GALNT3: variants seen among roughly 807,000 people sequenced by gnomAD.
GALNT3 encodes polypeptide N-acetylgalactosaminyltransferase 3.
A neutral mutation model predicts 69.8 loss-of-function variants in GALNT3; 51 were observed. That is an observed-to-expected ratio of 0.73 (90% CI 0.58 to 0.92). GALNT3 has a LOEUF of 0.92. Ranked by LOEUF, GALNT3 falls within the 40% of genes least tolerant of loss-of-function variation. The pLI, the probability that GALNT3 is intolerant of heterozygous loss-of-function variation, is 0.00. For missense variants in GALNT3, 711 were observed against 760.0 expected, an observed-to-expected ratio of 0.94 and a Z score of 0.76; for synonymous variants, 265 against 248.5, an observed-to-expected ratio of 1.07 and a Z score of -0.63.
chr2:165,781,377 T>C (rs1683106967), intron 1 of GALNT3, among the ~76,000 whole-genome samples: 1 of 152,054 alleles, frequency 6.6e-6, no homozygotes, highest in African/African-American at 2.4e-5. Context: ...GGCGAATTGC[T>C]TGAGCCCAGG....
chr2:165,783,041 C>T (rs1683145392), intron 1 of GALNT3, among the ~76,000 whole-genome samples: 1 of 152,104 alleles, frequency 6.6e-6, no homozygotes, highest in African/African-American at 2.4e-5. Flanking sequence ...CCTCTATGGC[C>T]CAGCTTTTCA....
At chr2:165,787,874 A>G (rs551000355) in intron 1 of GALNT3, among the ~76,000 whole-genome samples, 188 of 152,330 alleles carry the variant, frequency 1.2e-3, no homozygotes, top group African/African-American at 4.3e-3. Context: ...TCACTTTTAA[A>G]TGATAAAACC....
intron 3 of GALNT3, among the ~76,000 whole-genome samples, chr2:165,764,080 C>T (rs1222280655): frequency 6.6e-6 from 1 of 152,074 alleles, no homozygotes; most frequent in Non-Finnish European, 1.5e-5. Context: ...ATTTAAAATA[C>T]TTATGATGTT....
chr2:165,763,374 T>G (rs1395307566), intron 3 of GALNT3, among the ~76,000 whole-genome samples: 1 of 152,196 alleles, frequency 6.6e-6, no homozygotes, highest in African/African-American at 2.4e-5. Flanking sequence ...GCTGCTTATT[T>G]AAAGCTTAAA....
chr2:165,750,298 A>C (rs1474566025), intron 9 of GALNT3, among the ~76,000 whole-genome samples: 1 of 152,174 alleles, frequency 6.6e-6, no homozygotes, highest in Non-Finnish European at 1.5e-5. Flanking sequence ...CAGGGTGTTC[A>C]CCATGCCTCA....
chr2:165,758,581 T>C (rs1447563494), intron 6 of GALNT3, 166 bp downstream of exon 6: 1 of 560,136 alleles, frequency 1.8e-6, no homozygotes, highest in Admixed American at 3.3e-5. Context: ...ATATATTAAG[T>C]TACATATTAA....
At position 165,749,822 on chromosome 2, in the gene GALNT3, C is replaced by T. The variant is rs376449936; in HGVS notation, c.1699G>A (p.Gly567Ser). Residue 567 changes from glycine to serine, a missense_variant, in exon 10 of 11, where the codon GGT becomes AGT. Physicochemically the swap from Gly to Ser is moderately conservative, Grantham distance 56. Transcript: ENST00000392701. ...GTACATGCCTTCAGCTGAACGAGAC[C>T]TTGAGCAGCATGAAGACATAATTCC... ...QKELCLHAAQGLVQLKACTYK... is the reference protein window; with the variant it reads ...QKELCLHAAQSLVQLKACTYK... The T allele has an allele frequency of 1.2e-6, 2 of 1,613,506 alleles. No individual in the cohort carries two copies. The highest frequency in any genetic ancestry group is 1.3e-5 in the African/African-American group (1 of 74,900).
intron 7 of GALNT3, among the ~76,000 whole-genome samples, chr2:165,756,316 A>C (rs959933790): frequency 7.2e-5 from 11 of 152,092 alleles, no homozygotes; most frequent in Admixed American, 2.0e-4. Context: ...ACCTTATCTA[A>C]TATTATTAAG....
intron 2 of GALNT3, among the ~76,000 whole-genome samples, chr2:165,768,398 C>T (rs1210046337): frequency 2.0e-5 from 3 of 152,184 alleles, no homozygotes; most frequent in Non-Finnish European, 4.4e-5. Context: ...ATGTAGATTA[C>T]TTTTCAATCA....
chr2:165,770,048 T>A, intron 2 of GALNT3, 138 bp downstream of exon 2: 2 of 962,962 alleles, frequency 2.1e-6, no homozygotes, highest in South Asian at 2.8e-5. Context: ...AAAAAATAAA[T>A]ACAACAGGTT....
chr2:165,757,153 G>A lies in GALNT3; in HGVS notation c.1286C>T (p.Thr429Ile). Residue 429 changes from threonine (T) to isoleucine (I), a missense_variant, in exon 7 of 11, where the codon ACT becomes ATT. By Grantham distance (89) the Thr-to-Ile change is moderately conservative. Coordinates refer to ENST00000392701, the MANE Select transcript of GALNT3 (RefSeq NM_004482.4). The part of the protein sequence containing the change: ...SKSPHSFPKG[T>I]QVIARNQVRL... Reference sequence around the variant, plus strand: ...AACTTGGTTTCTAGCAATCACCTGAGTGCCTTTTGGAAAGCTATGAGGGCT... The same window carrying A: ...AACTTGGTTTCTAGCAATCACCTGAATGCCTTTTGGAAAGCTATGAGGGCT... 7 of 1,614,094 alleles carry A rather than the reference G, an allele frequency of 4.3e-6. No homozygotes were observed. Among genetic ancestry groups the A allele is most frequent in the Non-Finnish European group, 5.9e-6 (7 of 1,179,970 alleles).
At position 165,770,171 on chromosome 2, in the gene GALNT3, T is replaced by C. The variant is rs370469745; in HGVS notation, c.515+15A>G. ...CTGGTGATAAAGAATAAACAATAAA[T>C]ATTCTTCAACATACTCAGGAGGTCG... is the stretch of plus-strand genomic sequence containing the variant. On this transcript the variant is annotated intron_variant, in intron 2 of 10. Transcript: ENST00000392701. 6.2e-7 allele frequency: 1 copy of C among 1,613,814 alleles called. No individual in the cohort carries two copies. The highest frequency in any genetic ancestry group is 1.3e-5 in the African/African-American group (1 of 74,880).
chr2:165,765,198 T>C (rs1398492211), intron 2 of GALNT3, 142 bp from the exon 3 acceptor site: 2 of 767,136 alleles, frequency 2.6e-6, no homozygotes, highest in East Asian at 2.7e-5. Flanking sequence ...ATCTCAATGC[T>C]ATATAAAATG....
chr2:165,770,620 A>C lies in GALNT3; in HGVS notation c.81T>G (p.Ile27Met). 1 of 1,601,952 alleles carries C rather than the reference A, an allele frequency of 6.2e-7. No homozygotes were observed. The highest frequency in any genetic ancestry group is 8.5e-7 in the Non-Finnish European group (1 of 1,175,632). Residue 27 changes from isoleucine (I) to methionine (M), a missense_variant, in exon 2 of 11, where the codon ATT (isoleucine) becomes ATG (methionine). Physicochemically the swap from Ile to Met is conservative, Grantham distance 10. Coordinates refer to ENST00000392701, the MANE Select transcript of GALNT3 (RefSeq NM_004482.4). ...AAACCAAAACTATTATAAAGAAAAA[A>C]ATTACTGCACCAAGCTTCCAGAACT... ...HKKFWKLGAV[I>M]FFFIIVLVLM...
Position 165,765,072 on chromosome 2 carries a change from G to T in GALNT3, c.516-16C>A. 1.9e-6 allele frequency: 3 copies of T among 1,609,282 alleles called. No homozygotes were observed. Among genetic ancestry groups the T allele is most frequent in the Non-Finnish European group, 2.6e-6 (3 of 1,175,726 alleles). On this transcript the variant is annotated splice_polypyrimidine_tract_variant and intron_variant, in intron 2 of 10. Coordinates refer to ENST00000392701, the MANE Select transcript of GALNT3 (RefSeq NM_004482.4). ...TTCAATACATCTAGAAGAAGTCAGA[G>T]AAGTAGAAAAACAATTACAAATTTT...
intron 1 of GALNT3, among the ~76,000 whole-genome samples, chr2:165,789,780 C>G (rs747888567): frequency 6.6e-6 from 1 of 151,958 alleles, no homozygotes; most frequent in Non-Finnish European, 1.5e-5. Flanking sequence ...AAAAGTGTAC[C>G]CCAGCAGGGC....
chr2:165,748,834 A>T lies in GALNT3; in HGVS notation c.1849T>A (p.Ser617Thr), dbSNP rs1390053573. The T allele has an allele frequency of 6.2e-7, 1 of 1,611,740 alleles. No individual in the cohort carries two copies. Among genetic ancestry groups the T allele is most frequent in the African/African-American group, 1.3e-5 (1 of 74,816 alleles). Reference sequence around the variant, plus strand: ...TGGAGTGGATCTGATGGGTTGCATGACACTAAACTTGGATGCTCTCCATTT... The same window carrying T: ...TGGAGTGGATCTGATGGGTTGCATGTCACTAAACTTGGATGCTCTCCATTT... ...SANGEHPSLV[S>T]CNPSDPLQKW... Residue 617 changes from serine (S) to threonine (T), a missense_variant, in exon 11 of 11, where the codon TCA becomes ACA. Transcript: ENST00000392701.
At chr2:165,762,140 G>T in intron 3 of GALNT3, 86 bp from the exon 4 acceptor site, 1 of 994,114 alleles carries the variant, frequency 1.0e-6, no homozygotes, top group Non-Finnish European at 1.5e-6. Context: ...ACAGAGCAAT[G>T]ATCCTTCCAA....
intron 7 of GALNT3, among the ~76,000 whole-genome samples, chr2:165,755,865 T>G (rs1240528417): frequency 1.3e-5 from 2 of 152,178 alleles, no homozygotes; most frequent in African/African-American, 4.8e-5. Context: ...TATGAGTCTT[T>G]AGGACTTCTG....
Sources: allele counts gnomAD v4.1 joint callset (sites outside exome capture counted in the v4.1 genomes callset), GRCh38; gene constraint gnomAD v4.1.1; transcripts MANE v1.5; gene names NCBI Gene and HGNC (gene_info 2026-07-23, HGNC 2026-07-21).